The following SMAD7 variants were observed in gnomAD, a reference collection of about 807,000 sequenced individuals.
SMAD7 encodes SMAD family member 7, also known as MAD (mothers against decapentaplegic, Drosophila) homolog 7.
SMAD7 carries 8 observed loss-of-function variants against 38.7 expected under a neutral mutation model. The ratio of observed to expected loss-of-function variants is 0.21; its 90% confidence interval spans 0.12 to 0.37. The LOEUF is 0.37. Among genes scored for constraint, SMAD7 ranks in the 10% least tolerant of loss-of-function variants. The pLI, the probability that SMAD7 is intolerant of heterozygous loss-of-function variation, is 1.00. For missense variants in SMAD7, 477 were observed against 577.9 expected (o/e 0.83, Z 1.79); for synonymous variants, 327 against 265.1 (o/e 1.23, Z -2.27).
At chr18:48,939,172 A>AAC (rs1224603454) in intron 3 of SMAD7, among the ~76,000 whole-genome samples, 7 of 73,226 alleles carry the variant, frequency 9.6e-5, no homozygotes, top group Non-Finnish European at 1.2e-4. Flanking sequence ...CCACCCCCAC[A>AAC]ACACACACAC....
intron 3 of SMAD7, among the ~76,000 whole-genome samples, chr18:48,923,041 C>T (rs894585303): frequency 1.3e-5 from 2 of 152,172 alleles, no homozygotes; most frequent in East Asian, 1.9e-4. Flanking sequence ...AGACTTGGGA[C>T]CATAAATCTC....
Position 48,921,936 on chromosome 18 carries a change from T to A in SMAD7, c.743-26A>T. On this transcript the variant is annotated intron_variant, in intron 3 of 3. Coordinates refer to ENST00000262158, the MANE Select transcript of SMAD7 (RefSeq NM_005904.4). The surrounding 1 kb of genome is among the most constrained non-coding windows in gnomAD (Gnocchi z 6.4). ...CTAGAAAACACATTGGCAGAGAGGG[T>A]TAGTGGGGACAGGCATTGGTGACTC... 6.4e-7 allele frequency: 1 copy of A among 1,561,728 alleles called. No homozygotes were observed. The highest frequency in any genetic ancestry group is 8.6e-7 in the Non-Finnish European group (1 of 1,159,334).
rs1187416269 is a variant in SMAD7 at position 48,950,055 on chromosome 18, C to T, written c.370G>A (p.Ala124Thr). The change falls in exon 1 of 4, where the codon GCG (alanine) becomes ACG (threonine). Residue 124 changes from alanine (A) to threonine (T), a missense_variant. Coordinates refer to ENST00000262158, the MANE Select transcript of SMAD7 (RefSeq NM_005904.4). ...AGGCGGCCGGGCAGCAGGAGGCACG[C>T]GGTGCGCGTCCCGCCGCGGGACTCC... ...AVESRGGTRTACLLLPGRLDC... is the reference protein window; with the variant it reads ...AVESRGGTRTTCLLLPGRLDC... 1.4e-6 allele frequency: 2 copies of T among 1,433,112 alleles called. No homozygotes were observed. Among genetic ancestry groups the T allele is most frequent in the Admixed American group, 3.3e-5 (1 of 30,130 alleles). 88.8% of individuals were successfully genotyped at this position (1,433,112 alleles called of 1,614,324 possible).
At chr18:48,948,487 G>T in intron 1 of SMAD7, 50 bp from the exon 2 acceptor site, 1 of 1,228,218 alleles carries the variant, frequency 8.1e-7, no homozygotes, top group South Asian at 1.3e-5. Flanking sequence ...TGAGAAGAGA[G>T]ATAGAAACTT....
intron 1 of SMAD7, chr18:48,949,402 G>A (rs2070234245): frequency 2.4e-6 from 1 of 410,736 alleles, no homozygotes; most frequent in Non-Finnish European, 3.3e-6. Context: ...GGCGGGCCTG[G>A]ACCAAATCCA....
intron 3 of SMAD7, among the ~76,000 whole-genome samples, chr18:48,936,099 C>T (rs2045603364): frequency 3.3e-5 from 1 of 29,918 alleles, no homozygotes; most frequent in African/African-American, 3.8e-4. Context: ...CACACACACA[C>T]ACACACACAC....
chr18:48,926,701 G>A (rs1187738604), intron 3 of SMAD7, among the ~76,000 whole-genome samples: 1 of 152,194 alleles, frequency 6.6e-6, no homozygotes, highest in African/African-American at 2.4e-5. Flanking sequence ...ACATCACCAC[G>A]CCTCGCTAAC....
intron 3 of SMAD7, among the ~76,000 whole-genome samples, chr18:48,936,699 G>A (rs560272068): frequency 3.3e-5 from 5 of 152,172 alleles, no homozygotes; most frequent in Admixed American, 1.3e-4. Flanking sequence ...GTGCTGCTCC[G>A]AGTTCAAGGC....
chr18:48,949,777 C>T (rs1340220911), intron 1 of SMAD7, 35 bp downstream of exon 1: 1 of 1,544,976 alleles, frequency 6.5e-7, no homozygotes, highest in Admixed American at 2.0e-5. Context: ...ACTGGCGCTC[C>T]GGAAAATGTT....
At chr18:48,924,972 C>G (rs546300254) in intron 3 of SMAD7, among the ~76,000 whole-genome samples, 2 of 152,344 alleles carry the variant, frequency 1.3e-5, no homozygotes, top group Non-Finnish European at 2.9e-5. Flanking sequence ...GGGAAATGCT[C>G]AGCTTCATCT....
intron 2 of SMAD7, among the ~76,000 whole-genome samples, chr18:48,943,712 T>A (rs1003224984): frequency 6.6e-6 from 1 of 152,126 alleles, no homozygotes; most frequent in African/African-American, 2.4e-5. Flanking sequence ...GGGTTTCCAG[T>A]TGGAACCACT....
chr18:48,930,675 C>G (rs979394354), intron 3 of SMAD7, among the ~76,000 whole-genome samples: 1 of 151,542 alleles, frequency 6.6e-6, no homozygotes, highest in Non-Finnish European at 1.5e-5. Context: ...CTCAAGCCCA[C>G]CCCGGTGGGT....
At chr18:48,927,265 C>T (rs1307738798) in intron 3 of SMAD7, among the ~76,000 whole-genome samples, 1 of 152,088 alleles carries the variant, frequency 6.6e-6, no homozygotes, top group East Asian at 1.9e-4. Flanking sequence ...CCAAACAGAT[C>T]AGACGATGAA....
At chr18:48,927,681 T>C (rs1449330578) in intron 3 of SMAD7, among the ~76,000 whole-genome samples, 2 of 152,214 alleles carry the variant, frequency 1.3e-5, no homozygotes, top group South Asian at 2.1e-4. Context: ...TGCACACACG[T>C]TGGTCTCATC....
In SMAD7 at chr18:48,920,387, C is replaced by T. The variant is rs2069841745; in HGVS notation, c.*985G>A. On this transcript the variant is annotated 3_prime_UTR_variant, in exon 4 of 4. Transcript: ENST00000262158. Reference sequence around the variant, plus strand: ...TTGGGTTATGACGGACCAAATCCTTCTTGGAGGGAAGGGGACTGCTAAGCA... The same window carrying T: ...TTGGGTTATGACGGACCAAATCCTTTTTGGAGGGAAGGGGACTGCTAAGCA... 6.6e-6 allele frequency: 1 copy of T among 152,532 alleles called. No individual in the cohort carries two copies. Among genetic ancestry groups the T allele is most frequent in the Non-Finnish European group, 1.5e-5 (1 of 68,044 alleles). 9.4% of individuals were successfully genotyped at this position (152,532 alleles called of 1,614,324 possible).
In SMAD7 at chr18:48,931,490, C is replaced by A. The variant is rs560074013; in HGVS notation, c.743-9580G>T. On this transcript the variant is annotated intron_variant, in intron 3 of 3. Transcript: ENST00000262158. The stretch of plus-strand genomic sequence containing the variant: ...CAGATGTATACAAATTGTGGTATAG[C>A]ATGCATTTTTCTGAACAGAGTCCTC... Among the ~76,000 whole-genome samples the A allele has an allele frequency of 5.3e-5, 8 of 152,308 alleles. No individual in the cohort carries two copies. In the East Asian group the frequency reaches 1.5e-3, roughly 29 times the overall value.
intron 2 of SMAD7, among the ~76,000 whole-genome samples, chr18:48,944,396 C>T (rs914209815): frequency 6.6e-6 from 1 of 152,240 alleles, no homozygotes; most frequent in Non-Finnish European, 1.5e-5. Context: ...GGTAAGCCAG[C>T]TCCACACAGG....
At chr18:48,947,577 T>C (rs1241353978) in intron 2 of SMAD7, among the ~76,000 whole-genome samples, 2 of 152,222 alleles carry the variant, frequency 1.3e-5, no homozygotes, top group African/African-American at 4.8e-5. Context: ...ATCTATCTCC[T>C]ACTGTAAGAG....
chr18:48,930,696 C>G (rs771605113), intron 3 of SMAD7, among the ~76,000 whole-genome samples: 1 of 140,350 alleles, frequency 7.1e-6, no homozygotes, highest in South Asian at 2.5e-4. Context: ...AGGGCTCCCC[C>G]ACCGCATGCG....
Sources: allele counts gnomAD v4.1 joint callset (sites outside exome capture counted in the v4.1 genomes callset), GRCh38; gene constraint gnomAD v4.1.1; non-coding constraint Gnocchi (gnomAD v3.1); transcripts MANE v1.5; gene names NCBI Gene and HGNC (gene_info 2026-07-23, HGNC 2026-07-21).